TCEA3: variants seen among roughly 807,000 people sequenced by gnomAD.
TCEA3 encodes the protein transcription elongation factor A protein 3.
Under a neutral mutation model 44.0 loss-of-function variants are expected in TCEA3, and 36 were observed. The ratio of observed to expected loss-of-function variants is 0.82; its 90% CI spans 0.63 to 1.08. The LOEUF is 1.08. Among genes scored for constraint, TCEA3 ranks in the 50% least tolerant of loss-of-function variants. TCEA3 has a pLI of 0.00. For missense variants in TCEA3, 392 were observed against 441.2 expected (o/e 0.89, Z 1.00); for synonymous variants, 162 against 159.7 (o/e 1.01, Z -0.11).
At chr1:23,419,042 A>AG in intron 2 of TCEA3, 35 bp downstream of exon 2, 1 of 135,594 alleles carries the variant, frequency 7.4e-6, no homozygotes, top group Non-Finnish European at 1.4e-5. Context: ...CTCTCCCCCC[A>AG]GGCACTGTCC....
chr1:23,384,689 T>C (rs11579198), intron 9 of TCEA3, among the ~76,000 whole-genome samples: 1 of 132,260 alleles, frequency 7.6e-6, no homozygotes, highest in African/African-American at 3.2e-5. Context: ...TTTTTGACAG[T>C]GGAGTCTCGC....
At chr1:23,398,549 G>C (rs1639287674) in intron 5 of TCEA3, among the ~76,000 whole-genome samples, 1 of 152,176 alleles carries the variant, frequency 6.6e-6, no homozygotes, top group African/African-American at 2.4e-5. Context: ...AAAAGGGCTG[G>C]CTTTGCTAGA....
chr1:23,392,615 CACACACACACTCCACACATCAT>C (rs1639090266), intron 8 of TCEA3, among the ~76,000 whole-genome samples: 1 of 1,476 alleles, frequency 6.8e-4, no homozygotes, highest in African/African-American at 2.4e-3. Flanking sequence ...ATCATACACA[CACACACACACTCCACACATCAT>C]ACACACACAC....
At chr1:23,419,464 C>T (rs1639993983) in intron 1 of TCEA3, 2 of 241,960 alleles carry the variant, frequency 8.3e-6, no homozygotes, top group South Asian at 3.4e-4. Context: ...TATTGTTGCT[C>T]GTGTGCCTGT....
At chr1:23,398,080 T>A in intron 5 of TCEA3, 125 bp from the exon 6 acceptor site, 1 of 1,158,110 alleles carries the variant, frequency 8.6e-7, no homozygotes, top group East Asian at 2.6e-5. Flanking sequence ...AGGTAGGTAC[T>A]ATTTTAGGCA....
At position 23,387,400 on chromosome 1, in the gene TCEA3, A is replaced by C. The variant is rs1638879052; in HGVS notation, c.839T>G (p.Leu280Arg). 2 of 1,607,410 alleles carry C rather than the reference A, an allele frequency of 1.2e-6. No individual in the cohort carries two copies. The highest frequency in any genetic ancestry group is 1.7e-6 in the Non-Finnish European group (2 of 1,176,954). The change falls in exon 9 of 11, where the codon CTG becomes CGG. Residue 280 changes from leucine (L) to arginine (R), a missense_variant. Transcript: ENST00000450454. The part of the protein sequence containing the change: ...MTAEEMASDE[L>R]RELRNAMTQE... ...GGTCATGGCATTCCTCAACTCCCTC[A>C]GTTCATCACTGGCCATTTCCTGGAG...
intron 5 of TCEA3, among the ~76,000 whole-genome samples, chr1:23,401,690 C>T (rs1056553418): frequency 5.3e-5 from 8 of 152,278 alleles, no homozygotes; most frequent in African/African-American, 1.7e-4. Context: ...GCCAAAGAGC[C>T]GCCAGAGGGA....
intron 5 of TCEA3, among the ~76,000 whole-genome samples, chr1:23,398,656 G>A (rs1188244443): frequency 1.3e-5 from 2 of 152,164 alleles, no homozygotes; most frequent in African/African-American, 2.4e-5. Flanking sequence ...TTTAAGACGA[G>A]GAAATAAACC....
rs143051112 is a variant in TCEA3, at chr1:23,400,208, A to G, written c.444-2253T>C. 3.0e-3 allele frequency among the ~76,000 whole-genome samples: 452 copies of G among 152,250 alleles called. 7 individuals are homozygous for G. Among genetic ancestry groups the G allele is most frequent in the East Asian group, 0.028 (146 of 5,176 alleles). On this transcript the variant is annotated intron_variant, in intron 5 of 10. Coordinates refer to ENST00000450454, the MANE Select transcript of TCEA3 (RefSeq NM_003196.3). The stretch of plus-strand genomic sequence containing the variant: ...ATTCTTTTTGGTAACCCTAAAAGTC[A>G]CAAATTACTGGGCCCATTTTACAGA...
intron 5 of TCEA3, chr1:23,403,730 T>C (rs1639462546): frequency 4.8e-6 from 1 of 207,062 alleles, no homozygotes; most frequent in African/African-American, 2.3e-5. Flanking sequence ...TCCAAATTCT[T>C]TTCAACACAT....
At chr1:23,408,213 C>A (rs909481707) in intron 5 of TCEA3, among the ~76,000 whole-genome samples, 1 of 152,140 alleles carries the variant, frequency 6.6e-6, no homozygotes, top group Non-Finnish European at 1.5e-5. Flanking sequence ...CCGCCTGCCT[C>A]GGCCTTCCAA....
intron 8 of TCEA3, among the ~76,000 whole-genome samples, chr1:23,392,565 GACACACACACTCCACACATCAT>G (rs1558031097): frequency 0.098 from 281 of 2,876 alleles, no homozygotes; most frequent in Non-Finnish European, 0.16. Flanking sequence ...CCACACATCA[GACACACACACTCCACACATCAT>G]ACACACACAC....
intron 5 of TCEA3, among the ~76,000 whole-genome samples, chr1:23,398,200 T>A (rs1639279044): frequency 2.0e-5 from 3 of 152,168 alleles, no homozygotes. Context: ...GAAAGATGTA[T>A]CTAAAGGTGC....
At chr1:23,384,515 G>A in intron 9 of TCEA3, 98 bp from the exon 10 acceptor site, 2 of 1,282,160 alleles carry the variant, frequency 1.6e-6, no homozygotes, top group Non-Finnish European at 2.2e-6. Flanking sequence ...CCCAGAGGTT[G>A]GCACTGAGAT....
intron 8 of TCEA3, among the ~76,000 whole-genome samples, chr1:23,392,416 A>ACTCCACACATC (rs1558030260): frequency 3.1e-4 from 1 of 3,188 alleles, no homozygotes; most frequent in Non-Finnish European, 5.4e-4. Context: ...CATCATGCAC[A>ACTCCACACATC]ATACACACAC....
At position 23,394,005 on chromosome 1, in the gene TCEA3, G is replaced by A. The variant is rs1639143352; in HGVS notation, c.693C>T (p.Asp231=). 6.2e-7 allele frequency: 1 copy of A among 1,613,924 alleles called. No individual in the cohort carries two copies. Among genetic ancestry groups the A allele is most frequent in the Non-Finnish European group, 8.5e-7 (1 of 1,179,910 alleles). Residue 231 remains aspartate, a synonymous_variant, in exon 8 of 11, where the codon GAC becomes GAT. Transcript: ENST00000450454. ...TGCGCACGCGGTTCCGGTACTTCAT[G>A]TCCGTGCTCTTGAGCTCTTGGTAGA... ...DHIYQELKST[D]MKYRNRVRSR...
At chr1:23,392,412 G>C (rs61777149) in intron 8 of TCEA3, among the ~76,000 whole-genome samples, 1,100 of 6,184 alleles carry the variant, frequency 0.18, 15 homozygotes, top group East Asian at 0.22. Context: ...ACATCATCAT[G>C]CACAATACAC....
intron 5 of TCEA3, among the ~76,000 whole-genome samples, chr1:23,399,334 T>C (rs985932148): frequency 2.0e-5 from 3 of 151,804 alleles, no homozygotes; most frequent in African/African-American, 7.3e-5. Context: ...TGCTTTCTCA[T>C]GAGGGCTCTC....
Position 23,417,349 on chromosome 1 carries a change from C to T in TCEA3, c.280G>A (p.Glu94Lys). ...CCTTTTTCCTTCTTCTTTGCCTTTT[C>T]TCTTTCCTCTCCTTTTTCTCCTTTT... is the stretch of plus-strand genomic sequence containing the variant. ...PPKGEKGEEREKAKKKEKGLE... is the reference protein window; with the variant it reads ...PPKGEKGEERKKAKKKEKGLE... The change falls in exon 4 of 11, where the codon GAA becomes AAA. Residue 94 changes from glutamate (E) to lysine (K), a missense_variant. By Grantham distance (56) the Glu-to-Lys change is moderately conservative. Coordinates refer to ENST00000450454, the MANE Select transcript of TCEA3 (RefSeq NM_003196.3). 1.9e-6 allele frequency: 3 copies of T among 1,614,004 alleles called. No individual in the cohort carries two copies. Among genetic ancestry groups the T allele is most frequent in the Non-Finnish European group, 2.5e-6 (3 of 1,179,892 alleles).
Sources: gnomAD v4.1 joint callset for allele counts (sites outside exome capture counted in the v4.1 genomes callset) on GRCh38, gnomAD v4.1.1 for gene constraint, MANE v1.5 for transcripts, NCBI Gene and HGNC (gene_info 2026-07-23, HGNC 2026-07-21) for gene names.